Variants in RSU1 observed in about 807,000 individuals in gnomAD.
The protein encoded by RSU1 is Ras suppressor protein 1, also known as rsu-1.
In RSU1, 26 loss-of-function variants were observed where a neutral mutation model predicts 31.1. The observed-to-expected ratio is 0.84, with a 90% CI of 0.61 to 1.16. The LOEUF is 1.16. RSU1 is among the 50% of genes most tolerant of loss of function. The probability of loss-of-function intolerance (pLI) is 0.00; values close to 1 mark genes in which losing one functional copy is unlikely to be tolerated. For synonymous variants in RSU1, 164 were observed against 136.3 expected (o/e 1.20, Z -1.41); for missense variants, 320 against 339.1 (o/e 0.94, Z 0.44).
chr10:16,630,012 C>T (rs751182419), intron 8 of RSU1, among the ~76,000 whole-genome samples: 7 of 152,102 alleles, frequency 4.6e-5, no homozygotes, highest in Admixed American at 2.0e-4. Context: ...AAAAATCCCA[C>T]GGAATCCCCA....
At chr10:16,669,254 C>T (rs1253104308) in intron 8 of RSU1, among the ~76,000 whole-genome samples, 1 of 152,132 alleles carries the variant, frequency 6.6e-6, no homozygotes, top group Non-Finnish European at 1.5e-5. Context: ...AATGCGCTCA[C>T]GATCATGTGA....
At chr10:16,717,330 A>C (rs971038866) in intron 7 of RSU1, among the ~76,000 whole-genome samples, 18 of 152,224 alleles carry the variant, frequency 1.2e-4, no homozygotes, top group East Asian at 1.9e-4. Flanking sequence ...ATAACTGCCA[A>C]GTCTACATAA....
intron 8 of RSU1, among the ~76,000 whole-genome samples, chr10:16,662,808 C>T (rs2131528678): frequency 6.6e-6 from 1 of 152,106 alleles, no homozygotes; most frequent in East Asian, 1.9e-4. Flanking sequence ...TTATTTTTCT[C>T]CTGCCATTTT....
chr10:16,738,145 GC>G (rs113537261), intron 7 of RSU1, among the ~76,000 whole-genome samples: 3 of 152,248 alleles, frequency 2.0e-5, no homozygotes, highest in African/African-American at 7.2e-5. Context: ...AACTTGAAAT[GC>G]TTACACTAAA....
intron 2 of RSU1, among the ~76,000 whole-genome samples, chr10:16,786,713 C>G (rs1837799359): frequency 6.6e-6 from 1 of 152,172 alleles, no homozygotes; most frequent in Admixed American, 6.5e-5. Context: ...TTCTAGTTTT[C>G]TCCCTTCCCG....
chr10:16,767,468 A>G (rs1462728679), intron 3 of RSU1: 1 of 152,238 alleles, frequency 6.6e-6, no homozygotes, highest in Non-Finnish European at 1.5e-5. Context: ...AACGCAAACA[A>G]TAACCCCATA....
At chr10:16,797,555 A>C (rs559574511) in intron 2 of RSU1, among the ~76,000 whole-genome samples, 1 of 152,346 alleles carries the variant, frequency 6.6e-6, no homozygotes, top group South Asian at 2.1e-4. Context: ...AAGAAAGTGT[A>C]GAAGAACATC....
intron 7 of RSU1, among the ~76,000 whole-genome samples, chr10:16,745,250 T>C (rs915074100): frequency 1.6e-4 from 25 of 152,212 alleles, no homozygotes; most frequent in African/African-American, 5.8e-4. Context: ...GCTGTACTCA[T>C]TCCTGAATCA....
intron 7 of RSU1, among the ~76,000 whole-genome samples, chr10:16,701,903 T>C (rs918505274): frequency 6.6e-6 from 1 of 152,214 alleles, no homozygotes; most frequent in Admixed American, 6.5e-5. Flanking sequence ...ACCTCCAAGG[T>C]TGCCTTATGT....
chr10:16,598,451 G>T (rs1195082288), intron 8 of RSU1, among the ~76,000 whole-genome samples: 1 of 152,172 alleles, frequency 6.6e-6, no homozygotes, highest in African/African-American at 2.4e-5. Flanking sequence ...TTACTTGGGA[G>T]GCTGCATTGG....
At chr10:16,734,645 G>A (rs1836587936) in intron 7 of RSU1, among the ~76,000 whole-genome samples, 2 of 152,176 alleles carry the variant, frequency 1.3e-5, no homozygotes, top group African/African-American at 4.8e-5. Context: ...TTGACTTATT[G>A]TTGCAATAAT....
At position 16,806,291 on chromosome 10, in the gene RSU1, A is replaced by G. The variant is rs551635081; in HGVS notation, c.109+10682T>C. Among the ~76,000 whole-genome samples, 3 of 152,306 alleles carry G rather than the reference A, an allele frequency of 2.0e-5. No homozygotes were observed. In the East Asian group the frequency reaches 5.8e-4, roughly 29 times the overall value. ...GACCGGGTGGCCACAGGCACTCAGCATGCTCGCTGAATTAGCCGTTATCTT... is the reference window on the plus strand; with the variant it reads ...GACCGGGTGGCCACAGGCACTCAGCGTGCTCGCTGAATTAGCCGTTATCTT... On this transcript the variant is annotated intron_variant, in intron 2 of 8. Transcript: ENST00000345264.
chr10:16,760,373 G>C (rs923330296), intron 4 of RSU1, among the ~76,000 whole-genome samples: 1 of 151,932 alleles, frequency 6.6e-6, no homozygotes, highest in African/African-American at 2.4e-5. Context: ...GCTGGGTGTG[G>C]GTGTGTGCAC....
At chr10:16,641,633 T>C (rs1834444339) in intron 8 of RSU1, among the ~76,000 whole-genome samples, 1 of 152,214 alleles carries the variant, frequency 6.6e-6, no homozygotes, top group African/African-American at 2.4e-5. Flanking sequence ...CCTGGCTCTC[T>C]GAAACTCTCA....
chr10:16,781,495 G>A (rs1488150295), intron 3 of RSU1, among the ~76,000 whole-genome samples: 4 of 152,150 alleles, frequency 2.6e-5, no homozygotes, highest in East Asian at 1.9e-4. Flanking sequence ...TTTCCCTTTC[G>A]AGGAGGAAAT....
At chr10:16,653,793 A>G (rs1257414241) in intron 8 of RSU1, among the ~76,000 whole-genome samples, 1 of 152,172 alleles carries the variant, frequency 6.6e-6, no homozygotes, top group African/African-American at 2.4e-5. Context: ...TAAGTGGCAT[A>G]TGCTTTCTAG....
At chr10:16,720,321 A>G (rs767964423) in intron 7 of RSU1, among the ~76,000 whole-genome samples, 32 of 152,364 alleles carry the variant, frequency 2.1e-4, no homozygotes, top group Middle Eastern at 6.8e-3. Flanking sequence ...ATGAACATCT[A>G]TATCTCAGAA....
chr10:16,746,607 A>G (rs902444797), intron 7 of RSU1, among the ~76,000 whole-genome samples: 22 of 151,852 alleles, frequency 1.4e-4, no homozygotes, highest in African/African-American at 5.1e-4. Flanking sequence ...GAGAAAATGC[A>G]GAAATGGAAT....
chr10:16,616,399 C>T (rs928975647), intron 8 of RSU1, among the ~76,000 whole-genome samples: 6 of 147,586 alleles, frequency 4.1e-5, no homozygotes, highest in African/African-American at 1.5e-4. Flanking sequence ...AAAAAAACCC[C>T]AGGACCAGAT....
Sources: allele counts gnomAD v4.1 joint callset (sites outside exome capture counted in the v4.1 genomes callset), GRCh38; gene constraint gnomAD v4.1.1; transcripts MANE v1.5; gene names NCBI Gene and HGNC (gene_info 2026-07-23, HGNC 2026-07-21).